Variants in SLC7A6 observed in about 807,000 individuals in gnomAD.
SLC7A6 encodes the protein Y+L amino acid transporter 2.
SLC7A6 carries 29 observed loss-of-function variants against 46.6 expected under a neutral mutation model. The observed-to-expected ratio is 0.62, with a 90% CI of 0.46 to 0.85. The LOEUF (loss-of-function observed/expected upper bound fraction) is 0.85. Ranked by LOEUF, SLC7A6 falls within the 40% of genes least tolerant of loss-of-function variation. SLC7A6 has a pLI of 0.00. For synonymous variants in SLC7A6, 276 were observed against 257.3 expected (o/e 1.07, Z -0.70); for missense variants, 527 against 647.6 (o/e 0.81, Z 2.02).
chr16:68,284,892 A>T (rs1363487574), intron 3 of SLC7A6, among the ~76,000 whole-genome samples: 6 of 110,486 alleles, frequency 5.4e-5, no homozygotes, highest in African/African-American at 3.8e-5. Flanking sequence ...ACAAGTTCTC[A>T]CTCTGTTGCC....
Position 68,274,962 on chromosome 16 carries a change from T to C in SLC7A6, c.236T>C (p.Met79Thr). The change falls in exon 3 of 11, where the codon ATG (methionine) becomes ACG (threonine). Residue 79 changes from methionine (M) to threonine (T), a missense_variant. Transcript: ENST00000219343. Reference protein sequence around the residue: ...GVLVHTASYGMSLIVWAIGGL... With the variant: ...GVLVHTASYGTSLIVWAIGGL... ...CTGGTACACACTGCCTCCTATGGGA[T>C]GTCACTGATTGTGTGGGCCATTGGT... 2 of 1,614,232 alleles carry C rather than the reference T, an allele frequency of 1.2e-6. No individual in the cohort carries two copies. Among genetic ancestry groups the C allele is most frequent in the Non-Finnish European group, 1.7e-6 (2 of 1,180,052 alleles).
chr16:68,294,722 C>T lies in SLC7A6; in HGVS notation c.1040C>T (p.Ser347Phe). The change falls in exon 8 of 11, where the codon TCC (serine) becomes TTC (phenylalanine). Residue 347 changes from serine (S) to phenylalanine (F), a missense_variant. Transcript: ENST00000219343. ...CCTTCTAGGTTGTTCTTCGTGGGCT[C>T]CCGGGAGGGCCACCTACCGGACCTT... ...FASSRLFFVG[S>F]REGHLPDLLS... 6.2e-7 allele frequency: 1 copy of T among 1,613,416 alleles called. No individual in the cohort carries two copies. Among genetic ancestry groups the T allele is most frequent in the Non-Finnish European group, 8.5e-7 (1 of 1,179,380 alleles).
At chr16:68,269,311 T>TA in intron 2 of SLC7A6, among the ~76,000 whole-genome samples, 1 of 152,232 alleles carries the variant, frequency 6.6e-6, no homozygotes, top group Non-Finnish European at 1.5e-5. Flanking sequence ...TTGCTTTTTT[T>TA]ATGTTGCTTG....
At chr16:68,265,878 T>C (rs12924125) in intron 1 of SLC7A6, 90,414 of 151,988 alleles carry the variant, frequency 0.59, 27,169 homozygotes, top group East Asian at 0.81. Context: ...GGTTTTATGA[T>C]CCCCATCTCC....
At chr16:68,268,634 T>C (rs2042574649) in intron 2 of SLC7A6, among the ~76,000 whole-genome samples, 1 of 152,266 alleles carries the variant, frequency 6.6e-6, no homozygotes, top group South Asian at 2.1e-4. Flanking sequence ...GGTTAAATTT[T>C]CATGGGGAAA....
At chr16:68,265,982 C>T (rs1334178828) in intron 1 of SLC7A6, among the ~76,000 whole-genome samples, 2 of 152,120 alleles carry the variant, frequency 1.3e-5, no homozygotes, top group African/African-American at 2.4e-5. Context: ...TTATGCAGGC[C>T]GGGCGCGGTG....
intron 4 of SLC7A6, among the ~76,000 whole-genome samples, chr16:68,288,911 C>T (rs111972810): frequency 1.0e-4 from 12 of 114,434 alleles, no homozygotes; most frequent in African/African-American, 4.8e-4. Context: ...TTGCAGTAAG[C>T]CGAGATTGTG....
intron 10 of SLC7A6, 65 bp downstream of exon 10, chr16:68,296,875 G>A: frequency 6.4e-7 from 1 of 1,551,806 alleles, no homozygotes; most frequent in Non-Finnish European, 8.8e-7. Context: ...AGAGGTGGGG[G>A]GTGGCTAACA....
chr16:68,265,169 C>CA (rs1441841513), intron 1 of SLC7A6, among the ~76,000 whole-genome samples: 1 of 152,176 alleles, frequency 6.6e-6, no homozygotes, highest in Non-Finnish European at 1.5e-5. Flanking sequence ...GAGAATGCCG[C>CA]AAGGTTTTGT....
intron 3 of SLC7A6, among the ~76,000 whole-genome samples, chr16:68,276,809 G>A (rs1005811872): frequency 3.3e-5 from 5 of 152,186 alleles, no homozygotes; most frequent in Admixed American, 2.6e-4. Flanking sequence ...ACCAACCTGG[G>A]CAACATGGTG....
At chr16:68,281,041 C>T (rs912126139) in intron 3 of SLC7A6, among the ~76,000 whole-genome samples, 10 of 152,214 alleles carry the variant, frequency 6.6e-5, no homozygotes, top group Admixed American at 6.5e-5. Context: ...CCGGCTGTGG[C>T]TCCTTTTAAA....
chr16:68,272,683 G>T (rs958389542), intron 2 of SLC7A6, among the ~76,000 whole-genome samples: 38 of 152,098 alleles, frequency 2.5e-4, no homozygotes, highest in African/African-American at 9.2e-4. Context: ...CCATATCAGC[G>T]ACACCAGTGC....
chr16:68,290,396 G>C lies in SLC7A6; in HGVS notation c.650G>C (p.Gly217Ala). 6.2e-7 allele frequency: 1 copy of C among 1,613,822 alleles called. No individual in the cohort carries two copies. The highest frequency in any genetic ancestry group is 1.7e-5 in the Admixed American group (1 of 59,984). The change falls in exon 5 of 11, where the codon GGA becomes GCA. Residue 217 changes from glycine to alanine, a missense_variant and splice_region_variant. Physicochemically the swap from Gly to Ala is moderately conservative, Grantham distance 60 (BLOSUM62 0). Coordinates refer to ENST00000219343, the MANE Select transcript of SLC7A6 (RefSeq NM_003983.6). Reference sequence around the variant, plus strand: ...CCCTCACCTGCCTTTGCCCCCACAGGACACTCTGAGCACTTTCAGGACGCC... The same window carrying C: ...CCCTCACCTGCCTTTGCCCCCACAGCACACTCTGAGCACTTTCAGGACGCC... ...IVMGLVKLCQGHSEHFQDAFE... is the reference protein window; with the variant it reads ...IVMGLVKLCQAHSEHFQDAFE...
intron 6 of SLC7A6, 53 bp from the exon 7 acceptor site, chr16:68,291,505 G>A (rs2043049165): frequency 1.3e-6 from 2 of 1,593,876 alleles, no homozygotes; most frequent in Non-Finnish European, 1.7e-6. Flanking sequence ...ATAGATGCAG[G>A]AGGATTATGA....
At chr16:68,276,662 G>A (rs1203632337) in intron 3 of SLC7A6, among the ~76,000 whole-genome samples, 4 of 152,148 alleles carry the variant, frequency 2.6e-5, no homozygotes, top group African/African-American at 9.7e-5. Flanking sequence ...ACTCTGGTCT[G>A]ACTGAGCTTT....
In SLC7A6 at chr16:68,289,527, T is replaced by A. The variant is rs1370299217; in HGVS notation, c.650-869T>A. 2.0e-5 allele frequency among the ~76,000 whole-genome samples: 3 copies of A among 152,116 alleles called. No homozygotes were observed. The East Asian group carries it at 5.8e-4, about 29-fold the overall frequency. The stretch of plus-strand genomic sequence containing the variant: ...CACCCCTGAGGACAGGGGTCTCTAT[T>A]TTCTCTTCTCTTGCTGCATAGCCAG... On this transcript the variant is annotated intron_variant, in intron 4 of 10. Coordinates refer to ENST00000219343, the MANE Select transcript of SLC7A6 (RefSeq NM_003983.6).
chr16:68,281,469 T>C (rs1033325390), intron 3 of SLC7A6, among the ~76,000 whole-genome samples: 1 of 152,200 alleles, frequency 6.6e-6, no homozygotes, highest in African/African-American at 2.4e-5. Context: ...TGGCCTAAAA[T>C]GTCAATAGTG....
intron 4 of SLC7A6, 105 bp from the exon 5 acceptor site, chr16:68,290,291 C>T: frequency 8.2e-7 from 1 of 1,214,020 alleles, no homozygotes; most frequent in South Asian, 1.6e-5. Flanking sequence ...CTTCCTCTTT[C>T]CTATTCTCCT....
chr16:68,285,008 C>T (rs1050921034), intron 3 of SLC7A6, among the ~76,000 whole-genome samples: 1 of 152,006 alleles, frequency 6.6e-6, no homozygotes, highest in African/African-American at 2.4e-5. Flanking sequence ...ACAGTTGGGA[C>T]TCCAGGTGTG....
Sources: allele counts gnomAD v4.1 joint callset (sites outside exome capture counted in the v4.1 genomes callset), GRCh38; gene constraint gnomAD v4.1.1; transcripts MANE v1.5; gene names NCBI Gene and HGNC (gene_info 2026-07-23, HGNC 2026-07-21).